The following TAS2R16 variants were observed in gnomAD, a reference collection of about 807,000 sequenced individuals.
The protein encoded by TAS2R16 is taste receptor type 2 member 16.
A neutral mutation model predicts 5.0 loss-of-function variants in TAS2R16; 5 were observed. The ratio of observed to expected loss-of-function variants is 1.00; its 90% CI spans 0.52 to 2.11. The LOEUF (loss-of-function observed/expected upper bound fraction) is 2.11. TAS2R16 is among the 30% of genes most tolerant of loss of function. TAS2R16 has a pLI of 0.01. For synonymous variants in TAS2R16, 142 were observed against 123.3 expected (o/e 1.15, Z -1.00); for missense variants, 363 against 341.3 (o/e 1.06, Z -0.50).
In TAS2R16 at chr7:122,995,104, C is replaced by A. The variant is rs752003332; in HGVS notation, c.531G>T (p.Gln177His). The A allele has an allele frequency of 1.8e-5, 29 of 1,613,844 alleles. No homozygotes were observed. In the Middle Eastern group the frequency reaches 9.9e-4, roughly 55 times the overall value. ...TDKLENFHQY[Q>H]FQAHTVALVI... is the part of the protein sequence containing the mutation. The stretch of plus-strand genomic sequence containing the variant: ...CCAATGCAACTGTATGAGCCTGGAA[C>A]TGATACTGATGAAAATTTTCAAGTT... Residue 177 changes from glutamine (Q) to histidine (H), a missense_variant, in exon 1 of 1, where the codon CAG becomes CAT. Transcript: ENST00000249284.
chr7:122,995,248 T>C lies in TAS2R16; in HGVS notation c.387A>G (p.Ile129Met), dbSNP rs1489830482. The change falls in exon 1 of 1, where the codon ATA (isoleucine) becomes ATG (methionine). Residue 129 changes from isoleucine (I) to methionine (M), a missense_variant. Transcript: ENST00000249284. ...AAGTAATCATCAGAGAACCCAGTAA[T>C]ATCCAGGGAAACAACCTCAAAATTC... ...RWRILRLFPWILLGSLMITCV... is the reference protein window; with the variant it reads ...RWRILRLFPWMLLGSLMITCV... The C allele has an allele frequency of 2.5e-6, 4 of 1,613,692 alleles. No homozygotes were observed. Among genetic ancestry groups the C allele is most frequent in the East Asian group, 2.2e-5 (1 of 44,778 alleles).
At position 122,995,066 on chromosome 7, in the gene TAS2R16, A is replaced by T; in HGVS notation, c.569T>A (p.Ile190Asn). ...AHTVALVIPF[I>N]LFLASTIFLM... ...AAAGATGGTGGAGGCCAGGAACAGGATGAAAGGAATAACCAATGCAACTGT... is the reference window on the plus strand; with the variant it reads ...AAAGATGGTGGAGGCCAGGAACAGGTTGAAAGGAATAACCAATGCAACTGT... The change falls in exon 1 of 1, where the codon ATC becomes AAC. Residue 190 changes from isoleucine (I) to asparagine (N), a missense_variant. Transcript: ENST00000249284. 1.2e-6 allele frequency: 2 copies of T among 1,613,912 alleles called. No homozygotes were observed. The highest frequency in any genetic ancestry group is 2.2e-5 in the South Asian group (2 of 91,070).
chr7:122,995,637 T>A lies in TAS2R16; in HGVS notation c.-3A>T. 1 of 1,534,126 alleles carries A rather than the reference T, an allele frequency of 6.5e-7. No individual in the cohort carries two copies. The highest frequency in any genetic ancestry group is 8.7e-7 in the Non-Finnish European group (1 of 1,142,870). ...ACAGTGAGTTGGATGGGTATCATTCTTCTACTCCAAAGTGTCTTCCTGGAC... is the reference window on the plus strand; with the variant it reads ...ACAGTGAGTTGGATGGGTATCATTCATCTACTCCAAAGTGTCTTCCTGGAC... On this transcript the variant is annotated 5_prime_UTR_variant, in exon 1 of 1. It adds an upstream start codon to the 5' untranslated region. Coordinates refer to ENST00000249284, the MANE Select transcript of TAS2R16 (RefSeq NM_016945.3).
chr7:122,995,452 C>G lies in TAS2R16; in HGVS notation c.183G>C (p.Trp61Cys). 6.2e-7 allele frequency: 1 copy of G among 1,613,630 alleles called. No homozygotes were observed. The highest frequency in any genetic ancestry group is 1.1e-5 in the South Asian group (1 of 91,036). ...AGCAAAAATTGTTCAGCATTGATGC[C>G]CACTGTAGACAGAAGCGAGAGATGC... ...SLGISRFCLQ[W>C]ASMLNNFCSY... The change falls in exon 1 of 1, where the codon TGG becomes TGC. Residue 61 changes from tryptophan to cysteine, a missense_variant. Trp to Cys is a radical substitution (Grantham distance 215). Coordinates refer to ENST00000249284, the MANE Select transcript of TAS2R16 (RefSeq NM_016945.3).
rs1158230007 is a variant in TAS2R16, at chr7:122,995,199, T to G, written c.436A>C (p.Ile146Leu). ...ITCVTIIPSAIGNYIQIQLLT... is the reference protein window; with the variant it reads ...ITCVTIIPSALGNYIQIQLLT... ...AACTGAATTTGAATGTAATTCCCAA[T>G]AGCTGAAGGGATGATTGTTACACAA... Residue 146 changes from isoleucine to leucine, a missense_variant, in exon 1 of 1, where the codon ATT becomes CTT. By Grantham distance (5) the Ile-to-Leu change is conservative (BLOSUM62 2). Coordinates refer to ENST00000249284, the MANE Select transcript of TAS2R16 (RefSeq NM_016945.3). The G allele has an allele frequency of 6.2e-7, 1 of 1,613,874 alleles. No individual in the cohort carries two copies. Among genetic ancestry groups the G allele is most frequent in the South Asian group, 1.1e-5 (1 of 91,068 alleles).
rs753910796 is a variant in TAS2R16 at position 122,995,468 on chromosome 7, C to T, written c.167G>A (p.Arg56His). 31 of 1,613,654 alleles carry T rather than the reference C, an allele frequency of 1.9e-5. No homozygotes were observed. Among genetic ancestry groups the T allele is most frequent in the South Asian group, 7.7e-5 (7 of 91,032 alleles). ...CATTGATGCCCACTGTAGACAGAAG[C>T]GAGAGATGCCCAGGCTGATGAGAAT... ...DMILISLGIS[R>H]FCLQWASMLN... Residue 56 changes from arginine (R) to histidine (H), a missense_variant, in exon 1 of 1, where the codon CGC becomes CAC. Transcript: ENST00000249284.
chr7:122,995,569 A>G lies in TAS2R16; in HGVS notation c.66T>C (p.Ile22=). Residue 22 remains isoleucine (I), a synonymous_variant, in exon 1 of 1, where the codon ATT becomes ATC. Coordinates refer to ENST00000249284, the MANE Select transcript of TAS2R16 (RefSeq NM_016945.3). The part of the protein sequence containing the change: ...IIYVLESLTI[I]VQSSLIVAVL... The stretch of plus-strand genomic sequence containing the variant: ...CTGCAACAATTAGGCTGCTCTGCAC[A>G]ATAATTGTCAAGGACTCAAGCACAT... 6.2e-7 allele frequency: 1 copy of G among 1,603,544 alleles called. No individual in the cohort carries two copies. Among genetic ancestry groups the G allele is most frequent in the Non-Finnish European group, 8.5e-7 (1 of 1,175,702 alleles).
chr7:122,994,739 G>C lies in TAS2R16; in HGVS notation c.*20C>G, dbSNP rs770613993. 2 of 1,529,716 alleles carry C rather than the reference G, an allele frequency of 1.3e-6. No individual in the cohort carries two copies. Among genetic ancestry groups the C allele is most frequent in the Non-Finnish European group, 1.7e-6 (2 of 1,143,012 alleles). The allele number at this position is 1,529,716 out of a possible 1,614,324, so 94.8% of individuals were successfully genotyped here. ...ATTGCTCGGGAGTCTTTTATCCTGT[G>C]CCTCAGGCAACCTCTAGGCCTAGCA... On this transcript the variant is annotated 3_prime_UTR_variant, in exon 1 of 1. Transcript: ENST00000249284.
chr7:122,995,083 T>G lies in TAS2R16; in HGVS notation c.552A>C (p.Ala184=). Residue 184 remains alanine (A), a synonymous_variant, in exon 1 of 1, where the codon GCA becomes GCC. Transcript: ENST00000249284. ...HQYQFQAHTV[A]LVIPFILFLA... ...GGAACAGGATGAAAGGAATAACCAA[T>G]GCAACTGTATGAGCCTGGAACTGAT... The G allele has an allele frequency of 6.2e-7, 1 of 1,613,738 alleles. No homozygotes were observed. Among genetic ancestry groups the G allele is most frequent in the South Asian group, 1.1e-5 (1 of 91,076 alleles).
chr7:122,995,314 G>A lies in TAS2R16; in HGVS notation c.321C>T (p.Val107=). The change falls in exon 1 of 1, where the codon GTC becomes GTT. Residue 107 remains valine (V), a synonymous_variant. Transcript: ENST00000249284. ...SLLTVFYCIK[V]SSFTHHIFLW... ...GAAAGATGTGATGGGTGAAAGAAGA[G>A]ACCTTGATGCAGTAGAACACGGTAA... 6.2e-7 allele frequency: 1 copy of A among 1,613,670 alleles called. No homozygotes were observed. The highest frequency in any genetic ancestry group is 1.1e-5 in the South Asian group (1 of 91,078).
rs368185516 is a variant in TAS2R16, at chr7:122,995,556, G to C, written c.79C>G (p.Leu27Val). 140 of 1,610,962 alleles carry C rather than the reference G, an allele frequency of 8.7e-5. No homozygotes were observed. The highest frequency in any genetic ancestry group is 1.1e-4 in the Non-Finnish European group (128 of 1,178,848). Residue 27 changes from leucine to valine, a missense_variant, in exon 1 of 1, where the codon CTA becomes GTA. Coordinates refer to ENST00000249284, the MANE Select transcript of TAS2R16 (RefSeq NM_016945.3). ...ESLTIIVQSS[L>V]IVAVLGREWL... ...TCTCTGCCCAGCACTGCAACAATTA[G>C]GCTGCTCTGCACAATAATTGTCAAG...
chr7:122,995,089 T>G lies in TAS2R16; in HGVS notation c.546A>C (p.Thr182=), dbSNP rs1825950870. The change falls in exon 1 of 1, where the codon ACA becomes ACC. Residue 182 remains threonine, a synonymous_variant. Transcript: ENST00000249284. ...NFHQYQFQAH[T]VALVIPFILF... Reference sequence around the variant, plus strand: ...GGATGAAAGGAATAACCAATGCAACTGTATGAGCCTGGAACTGATACTGAT... The same window carrying G: ...GGATGAAAGGAATAACCAATGCAACGGTATGAGCCTGGAACTGATACTGAT... 2 of 1,613,842 alleles carry G rather than the reference T, an allele frequency of 1.2e-6. No homozygotes were observed. Among genetic ancestry groups the G allele is most frequent in the Non-Finnish European group, 1.7e-6 (2 of 1,179,868 alleles).
rs1043539089 is a variant in TAS2R16, at chr7:122,995,537, C to T, written c.98G>A (p.Gly33Asp). 2 of 1,613,226 alleles carry T rather than the reference C, an allele frequency of 1.2e-6. No homozygotes were observed. Among genetic ancestry groups the T allele is most frequent in the Non-Finnish European group, 1.7e-6 (2 of 1,179,644 alleles). Reference protein sequence around the residue: ...VQSSLIVAVLGREWLQVRRLM... With the variant: ...VQSSLIVAVLDREWLQVRRLM... ...CCTTCTGACTTGCAGCCATTCTCTG[C>T]CCAGCACTGCAACAATTAGGCTGCT... is the stretch of plus-strand genomic sequence containing the variant. The change falls in exon 1 of 1, where the codon GGC becomes GAC. Residue 33 changes from glycine (G) to aspartate (D), a missense_variant. Gly to Asp is a moderately conservative substitution (Grantham distance 94). Coordinates refer to ENST00000249284, the MANE Select transcript of TAS2R16 (RefSeq NM_016945.3).
In TAS2R16 at chr7:122,995,260, C is replaced by G; in HGVS notation, c.375G>C (p.Leu125Phe). 1 of 1,613,686 alleles carries G rather than the reference C, an allele frequency of 6.2e-7. No individual in the cohort carries two copies. Among genetic ancestry groups the G allele is most frequent in the Non-Finnish European group, 8.5e-7 (1 of 1,179,856 alleles). ...FLWLRWRILR[L>F]FPWILLGSLM... ...GAGAACCCAGTAATATCCAGGGAAA[C>G]AACCTCAAAATTCTCCACCTCAGCC... The change falls in exon 1 of 1, where the codon TTG becomes TTC. Residue 125 changes from leucine to phenylalanine, a missense_variant. Coordinates refer to ENST00000249284, the MANE Select transcript of TAS2R16 (RefSeq NM_016945.3).
Position 122,995,290 on chromosome 7 carries a change from A to G in TAS2R16, c.345T>C (p.Phe115=). 1 of 1,613,766 alleles carries G rather than the reference A, an allele frequency of 6.2e-7. No individual in the cohort carries two copies. Among genetic ancestry groups the G allele is most frequent in the Non-Finnish European group, 8.5e-7 (1 of 1,179,874 alleles). ...IKVSSFTHHI[F]LWLRWRILRL... Reference sequence around the variant, plus strand: ...TCAAAATTCTCCACCTCAGCCAGAGAAAGATGTGATGGGTGAAAGAAGAGA... The same window carrying G: ...TCAAAATTCTCCACCTCAGCCAGAGGAAGATGTGATGGGTGAAAGAAGAGA... Residue 115 remains phenylalanine, a synonymous_variant, in exon 1 of 1, where the codon TTT becomes TTC. Transcript: ENST00000249284.
At chr7:122,995,320 GATGCAGT>G in the TAS2R16 span, 65 of 1,613,556 alleles carry the variant, frequency 4.0e-5, no homozygotes, top group Non-Finnish European at 5.3e-5. Context: ...AAGAGACCTT[GATGCAGT>G]AGAACACGGT....
rs773028461 is a variant in TAS2R16 at position 122,995,541 on chromosome 7, G to T, written c.94C>A (p.Leu32Met). The T allele has an allele frequency of 6.2e-7, 1 of 1,613,056 alleles. No homozygotes were observed. ...CTGACTTGCAGCCATTCTCTGCCCA[G>T]CACTGCAACAATTAGGCTGCTCTGC... is the stretch of plus-strand genomic sequence containing the variant. Reference protein sequence around the residue: ...IVQSSLIVAVLGREWLQVRRL... With the variant: ...IVQSSLIVAVMGREWLQVRRL... The change falls in exon 1 of 1, where the codon CTG becomes ATG. Residue 32 changes from leucine to methionine, a missense_variant. Transcript: ENST00000249284.
In TAS2R16 at chr7:122,994,950, G is replaced by A; in HGVS notation, c.685C>T (p.Leu229Phe). 6.2e-7 allele frequency: 1 copy of A among 1,613,700 alleles called. No individual in the cohort carries two copies. The highest frequency in any genetic ancestry group is 8.5e-7 in the Non-Finnish European group (1 of 1,179,802). The change falls in exon 1 of 1, where the codon CTT becomes TTT. Residue 229 changes from leucine to phenylalanine, a missense_variant. Transcript: ENST00000249284. Reference sequence around the variant, plus strand: ...GTAAACACAATAAATAAGACGGCAAGGGACCTCAGGGCAGTGAAGCGCGCT... The same window carrying A: ...GTAAACACAATAAATAAGACGGCAAAGGACCTCAGGGCAGTGAAGCGCGCT... Reference protein sequence around the residue: ...MKARFTALRSLAVLFIVFTSY... With the variant: ...MKARFTALRSFAVLFIVFTSY...
chr7:122,995,491 A>C lies in TAS2R16; in HGVS notation c.144T>G (p.Ile48Met), dbSNP rs555372554. ...AGCGAGAGATGCCCAGGCTGATGAG[A>C]ATCATGTCCACAGGCATCAGCCTTC... is the stretch of plus-strand genomic sequence containing the variant. ...QVRRLMPVDM[I>M]LISLGISRFC... The change falls in exon 1 of 1, where the codon ATT (isoleucine) becomes ATG (methionine). Residue 48 changes from isoleucine to methionine, a missense_variant. Ile to Met is a conservative substitution (Grantham distance 10, BLOSUM62 1). Transcript: ENST00000249284. The C allele has an allele frequency of 6.2e-7, 1 of 1,613,778 alleles. No individual in the cohort carries two copies. Among genetic ancestry groups the C allele is most frequent in the South Asian group, 1.1e-5 (1 of 91,060 alleles).
Sources: allele counts gnomAD v4.1 joint callset, GRCh38; gene constraint gnomAD v4.1.1; transcripts MANE v1.5; gene names NCBI Gene and HGNC (gene_info 2026-07-23, HGNC 2026-07-21).